Variants in RORB observed in about 807,000 individuals in gnomAD.
RORB encodes nuclear receptor ROR-beta.
In RORB, 6 loss-of-function variants were observed where a neutral mutation model predicts 59.1. The observed-to-expected ratio is 0.10, with a 90% CI of 0.06 to 0.20. The LOEUF (loss-of-function observed/expected upper bound fraction) is 0.20. Among genes scored for constraint, RORB ranks in the 10% least tolerant of loss-of-function variants. The pLI, the probability that RORB is intolerant of heterozygous loss-of-function variation, is 1.00. For missense variants in RORB, 320 were observed against 560.5 expected, an observed-to-expected ratio of 0.57 and a Z score of 4.33; for synonymous variants, 215 against 204.5, an observed-to-expected ratio of 1.05 and a Z score of -0.44.
intron 1 of RORB, among the ~76,000 whole-genome samples, chr9:74,582,992 A>G (rs923158533): frequency 2.0e-5 from 3 of 152,116 alleles, no homozygotes; most frequent in Non-Finnish European, 4.4e-5. Flanking sequence ...AGGTGTCTAT[A>G]TGGGATCATA....
chr9:74,685,157 G>C (rs980447080), intron 9 of RORB, among the ~76,000 whole-genome samples: 1 of 151,418 alleles, frequency 6.6e-6, no homozygotes, highest in African/African-American at 2.4e-5. Context: ...CAACTACAGA[G>C]CACCCACTTG....
chr9:74,555,254 G>C (rs943902544), intron 1 of RORB, among the ~76,000 whole-genome samples: 1 of 152,182 alleles, frequency 6.6e-6, no homozygotes, highest in Non-Finnish European at 1.5e-5. Context: ...AGGCTGTTCA[G>C]CATAGCATAT....
chr9:74,536,928 C>G (rs762997180), intron 1 of RORB, among the ~76,000 whole-genome samples: 1 of 151,940 alleles, frequency 6.6e-6, no homozygotes, highest in African/African-American at 2.4e-5. Flanking sequence ...GGAGAATTCT[C>G]TCTTATATTA....
intron 4 of RORB, among the ~76,000 whole-genome samples, chr9:74,647,217 G>T (rs908615579): frequency 6.6e-6 from 1 of 152,166 alleles, no homozygotes. Context: ...GCAGGGAGAG[G>T]AAGCTAGCTA....
intron 1 of RORB, among the ~76,000 whole-genome samples, chr9:74,546,626 G>T (rs1169231756): frequency 2.0e-5 from 3 of 152,202 alleles, no homozygotes; most frequent in African/African-American, 7.2e-5. Flanking sequence ...AGAAGTGGCA[G>T]ATAGACCACT....
At chr9:74,573,135 C>G (rs1421163215) in intron 1 of RORB, among the ~76,000 whole-genome samples, 1 of 152,092 alleles carries the variant, frequency 6.6e-6, no homozygotes, top group African/African-American at 2.4e-5. Context: ...AGTTTTCAAA[C>G]GTGTTTTTTT....
In RORB at chr9:74,497,711, A is replaced by T. The variant is rs971388589; in HGVS notation, c.-266A>T. The T allele has an allele frequency of 4.0e-6, 2 of 500,580 alleles. No individual in the cohort carries two copies. Among genetic ancestry groups the T allele is most frequent in the Non-Finnish European group, 7.1e-6 (2 of 280,604 alleles). The allele number at this position is 500,580 out of a possible 1,614,324, so 31.0% of individuals were successfully genotyped here. A position where few individuals can be genotyped will look rare whatever the true frequency, so the allele number is the denominator to read the frequency against. On this transcript the variant is annotated 5_prime_UTR_variant, in exon 1 of 10. Coordinates refer to ENST00000376896, the MANE Select transcript of RORB (RefSeq NM_006914.4). ...AACCCAGGCACCAGACAGCCAGAACATTTTTTTTTCACCCTTCCTGAAAAC... is the reference window on the plus strand; with the variant it reads ...AACCCAGGCACCAGACAGCCAGAACTTTTTTTTTTCACCCTTCCTGAAAAC...
intron 2 of RORB, among the ~76,000 whole-genome samples, chr9:74,632,101 A>G (rs1219578862): frequency 6.6e-6 from 1 of 152,192 alleles, no homozygotes; most frequent in Admixed American, 6.5e-5. Flanking sequence ...CTCTATTTGA[A>G]AAATGTGTGA....
chr9:74,669,943 A>G (rs1257734499), intron 8 of RORB, among the ~76,000 whole-genome samples: 1 of 152,202 alleles, frequency 6.6e-6, no homozygotes, highest in African/African-American at 2.4e-5. Flanking sequence ...TCTTATCAGG[A>G]TATTTTTAAT....
At chr9:74,570,245 T>A (rs1247686567) in intron 1 of RORB, among the ~76,000 whole-genome samples, 3 of 152,130 alleles carry the variant, frequency 2.0e-5, no homozygotes, top group African/African-American at 7.2e-5. Flanking sequence ...CGTGTATCAA[T>A]TTATTTATAA....
Position 74,620,355 on chromosome 9 carries a change from G to A in RORB, c.8-9927G>A, listed in dbSNP as rs1305583031. Among the ~76,000 whole-genome samples the A allele has an allele frequency of 4.6e-5, 7 of 152,196 alleles. No homozygotes were observed. The East Asian group carries it at 1.4e-3, about 29-fold the overall frequency. On this transcript the variant is annotated intron_variant, in intron 1 of 9. Transcript: ENST00000376896. ...AGAGGTGTTTATAGTATTCTCTGAT[G>A]GTAGTTTGCATTTCTGTGGGATCGG...
At chr9:74,584,479 T>C (rs1452014080) in intron 1 of RORB, among the ~76,000 whole-genome samples, 1 of 152,240 alleles carries the variant, frequency 6.6e-6, no homozygotes, top group Non-Finnish European at 1.5e-5. Flanking sequence ...GTTCAGCTTA[T>C]AGTCAGTACT....
At chr9:74,658,488 G>A (rs1824126810) in intron 4 of RORB, among the ~76,000 whole-genome samples, 1 of 149,854 alleles carries the variant, frequency 6.7e-6, no homozygotes, top group South Asian at 2.1e-4. Flanking sequence ...GTTCCAGGCA[G>A]ATATCATAAA....
chr9:74,645,359 G>A (rs1050396588), intron 4 of RORB, among the ~76,000 whole-genome samples: 13 of 152,066 alleles, frequency 8.5e-5, no homozygotes, highest in African/African-American at 2.9e-4. Flanking sequence ...AGTATCACTG[G>A]GCAGGAAGGC....
rs1824715648 is a variant in RORB at position 74,690,107 on chromosome 9, C to A, written c.*4489C>A. ...TGTAGTGAAACTCTGCACAAAGTCC[C>A]CTGCATAAAGAAGAGAGGAAAGCCT... On this transcript the variant is annotated 3_prime_UTR_variant, in exon 10 of 10. Transcript: ENST00000376896. 6.6e-6 allele frequency: 1 copy of A among 152,024 alleles called. No homozygotes were observed. The highest frequency in any genetic ancestry group is 2.4e-5 in the African/African-American group (1 of 41,362). The allele number at this position is 152,024 out of a possible 1,614,324, so 9.4% of individuals were successfully genotyped here.
intron 3 of RORB, among the ~76,000 whole-genome samples, chr9:74,639,513 T>TAA (rs879417522): frequency 6.2e-5 from 9 of 146,008 alleles, no homozygotes; most frequent in Non-Finnish European, 1.1e-4. Flanking sequence ...AAAAGGGTTT[T>TAA]AAAAAAAAAA....
intron 4 of RORB, among the ~76,000 whole-genome samples, chr9:74,648,642 G>C (rs1220215353): frequency 6.6e-6 from 1 of 152,184 alleles, no homozygotes; most frequent in Non-Finnish European, 1.5e-5. Context: ...AAATGACCCA[G>C]CCAAACATGC....
intron 1 of RORB, among the ~76,000 whole-genome samples, chr9:74,533,895 G>A (rs1487317282): frequency 6.6e-6 from 1 of 151,926 alleles, no homozygotes; most frequent in Non-Finnish European, 1.5e-5. Context: ...ATTAGGGGTT[G>A]GTAAAGGGGA....
At chr9:74,624,479 G>A (rs533087647) in intron 1 of RORB, among the ~76,000 whole-genome samples, 39 of 152,318 alleles carry the variant, frequency 2.6e-4, no homozygotes, top group Non-Finnish European at 4.7e-4. Flanking sequence ...TATAGCGGCC[G>A]AAGTTCAAGA....
Sources: gnomAD v4.1 joint callset for allele counts (sites outside exome capture counted in the v4.1 genomes callset) on GRCh38, gnomAD v4.1.1 for gene constraint, MANE v1.5 for transcripts, NCBI Gene and HGNC (gene_info 2026-07-23, HGNC 2026-07-21) for gene names.